The following GNAI3 variants were observed in gnomAD, a reference collection of about 807,000 sequenced individuals.
The protein encoded by GNAI3 is G protein subunit alpha i3.
In GNAI3, 12 loss-of-function variants were observed where a neutral mutation model predicts 41.8. The ratio of observed to expected loss-of-function variants is 0.29; its 90% CI spans 0.18 to 0.47. The LOEUF is 0.47. Ranked by LOEUF, GNAI3 falls within the 20% of genes least tolerant of loss-of-function variation. GNAI3 has a pLI of 1.00. For synonymous variants in GNAI3, 132 were observed against 146.5 expected, an observed-to-expected ratio of 0.90 and a Z score of 0.71; for missense variants, 360 against 429.6, an observed-to-expected ratio of 0.84 and a Z score of 1.43.
chr1:109,576,962 T>A (rs1011596023), intron 3 of GNAI3, among the ~76,000 whole-genome samples: 10 of 151,808 alleles, frequency 6.6e-5, no homozygotes, highest in African/African-American at 2.4e-4. Flanking sequence ...AAAAAAGTAG[T>A]AATAATTCCC....
chr1:109,592,199 T>C lies in GNAI3; in HGVS notation c.1031T>C (p.Ile344Thr). The C allele has an allele frequency of 1.2e-6, 2 of 1,613,164 alleles. No individual in the cohort carries two copies. Among genetic ancestry groups the C allele is most frequent in the Non-Finnish European group, 8.5e-7 (1 of 1,179,152 alleles). Residue 344 changes from isoleucine to threonine, a missense_variant, in exon 8 of 9, where the codon ATT (isoleucine) becomes ACT (threonine). By Grantham distance (89) the Ile-to-Thr change is moderately conservative. Transcript: ENST00000369851. ...TTTGATGCTGTTACAGATGTCATCATTAAAAACAACTTAAAGGAATGTGGA... is the reference window on the plus strand; with the variant it reads ...TTTGATGCTGTTACAGATGTCATCACTAAAAACAACTTAAAGGAATGTGGA... Reference protein sequence around the residue: ...FVFDAVTDVIIKNNLKECGLY With the variant: ...FVFDAVTDVITKNNLKECGLY
In GNAI3 at chr1:109,597,197, C is replaced by T. The variant is rs1183222499; in HGVS notation, c.*4875C>T. 6.6e-6 allele frequency: 1 copy of T among 152,148 alleles called. No individual in the cohort carries two copies. The highest frequency in any genetic ancestry group is 2.4e-5 in the African/African-American group (1 of 41,404). 9.4% of individuals were successfully genotyped at this position (152,148 alleles called of 1,614,324 possible). On this transcript the variant is annotated 3_prime_UTR_variant, in exon 9 of 9. Coordinates refer to ENST00000369851, the MANE Select transcript of GNAI3 (RefSeq NM_006496.4). Reference sequence around the variant, plus strand: ...TCAACACAGGCTGAGCACAGTGGCTCATGTCTGTAATCCCAGCACTTTGGG... The same window carrying T: ...TCAACACAGGCTGAGCACAGTGGCTTATGTCTGTAATCCCAGCACTTTGGG...
At chr1:109,561,837 A>G (rs1223345250) in intron 1 of GNAI3, among the ~76,000 whole-genome samples, 1 of 152,192 alleles carries the variant, frequency 6.6e-6, no homozygotes, top group African/African-American at 2.4e-5. Flanking sequence ...TCCTTTTAGA[A>G]TATTTTACTA....
In GNAI3 at chr1:109,573,744, A is replaced by G; in HGVS notation, c.126A>G (p.Gly42=). The change falls in exon 2 of 9, where the codon GGA becomes GGG. Residue 42 remains glycine, a synonymous_variant. Transcript: ENST00000369851. ...KEVKLLLLGA[G]ESGKSTIVKQ... is the part of the protein sequence containing the mutation. ...GGTTTTCTTTTCTTACAGGTGCTGG[A>G]GAATCTGGTAAAAGCACCATTGTGA... 1 of 1,610,340 alleles carries G rather than the reference A, an allele frequency of 6.2e-7. No homozygotes were observed. The highest frequency in any genetic ancestry group is 1.1e-5 in the South Asian group (1 of 90,980).
chr1:109,582,539 T>C lies in GNAI3; in HGVS notation c.564T>C (p.His188=). The C allele has an allele frequency of 1.9e-6, 3 of 1,608,280 alleles. No homozygotes were observed. The highest frequency in any genetic ancestry group is 2.6e-6 in the Non-Finnish European group (3 of 1,174,704). The change falls in exon 5 of 9, where the codon CAT becomes CAC. Residue 188 remains histidine (H), a synonymous_variant. Coordinates refer to ENST00000369851, the MANE Select transcript of GNAI3 (RefSeq NM_006496.4). ...AGACCACAGGCATTGTAGAAACACATTTCACCTTCAAAGACCTATACTTCA... is the reference window on the plus strand; with the variant it reads ...AGACCACAGGCATTGTAGAAACACACTTCACCTTCAAAGACCTATACTTCA... ...RVKTTGIVET[H]FTFKDLYFKM... is the part of the protein sequence containing the mutation.
chr1:109,591,589 A>G, intron 7 of GNAI3: 2 of 371,510 alleles, frequency 5.4e-6, no homozygotes, highest in Non-Finnish European at 9.4e-6. Flanking sequence ...GGACTGTGCT[A>G]ATCTTCTCTG....
In GNAI3 at chr1:109,585,622, G is replaced by A. The variant is rs540978344; in HGVS notation, c.591-594G>A. Among the ~76,000 whole-genome samples the A allele has an allele frequency of 3.0e-4, 45 of 152,188 alleles. No individual in the cohort carries two copies. In the South Asian group the frequency reaches 8.7e-3, roughly 30 times the overall value. ...GGCATTTAGAGGCAAACCATTTTGA[G>A]AGTCAGAACATGGGTGCTGGAGTTA... On this transcript the variant is annotated intron_variant, in intron 5 of 8. Transcript: ENST00000369851.
At chr1:109,563,472 C>CAAAG (rs887241295) in intron 1 of GNAI3, among the ~76,000 whole-genome samples, 1 of 152,148 alleles carries the variant, frequency 6.6e-6, no homozygotes, top group African/African-American at 2.4e-5. Context: ...CTTAAGCAAT[C>CAAAG]AAAGGCAAGG....
intron 1 of GNAI3, among the ~76,000 whole-genome samples, chr1:109,551,165 C>T (rs1474696000): frequency 6.6e-6 from 1 of 152,116 alleles, no homozygotes; most frequent in African/African-American, 2.4e-5. Flanking sequence ...TAATTTTTAC[C>T]AACTTCATTC....
At chr1:109,551,931 G>A (rs563368341) in intron 1 of GNAI3, among the ~76,000 whole-genome samples, 1 of 152,274 alleles carries the variant, frequency 6.6e-6, no homozygotes, top group South Asian at 2.1e-4. Context: ...GGAGGCCGAG[G>A]CTGGTGGATC....
chr1:109,564,041 G>GTTT (rs5776986), intron 1 of GNAI3, among the ~76,000 whole-genome samples: 1 of 134,760 alleles, frequency 7.4e-6, no homozygotes, highest in Non-Finnish European at 1.6e-5. Flanking sequence ...GTTTTTGTGT[G>GTTT]TTTTTTTTTT....
chr1:109,559,190 A>G (rs1259033862), intron 1 of GNAI3, among the ~76,000 whole-genome samples: 1 of 152,134 alleles, frequency 6.6e-6, no homozygotes, highest in African/African-American at 2.4e-5. Context: ...TCAAAAGAAA[A>G]AAAAAAGAAA....
chr1:109,586,370 G>A, intron 6 of GNAI3, 25 bp downstream of exon 6: 1 of 1,602,012 alleles, frequency 6.2e-7, no homozygotes, highest in Non-Finnish European at 8.5e-7. Context: ...CTGGTAAAAA[G>A]CCTGTCTAAT....
At chr1:109,577,241 G>A (rs1318627262) in intron 3 of GNAI3, among the ~76,000 whole-genome samples, 2 of 151,060 alleles carry the variant, frequency 1.3e-5, no homozygotes, top group African/African-American at 4.9e-5. Flanking sequence ...GAAAAGAAAG[G>A]GAGGGGCATA....
intron 4 of GNAI3, 98 bp downstream of exon 4, chr1:109,579,459 C>A: frequency 1.4e-6 from 1 of 701,582 alleles, no homozygotes; most frequent in Non-Finnish European, 2.3e-6. Flanking sequence ...GTAATAGACA[C>A]TCTTAGACGT....
At chr1:109,582,042 T>A (rs1648901945) in intron 4 of GNAI3, among the ~76,000 whole-genome samples, 1 of 152,202 alleles carries the variant, frequency 6.6e-6, no homozygotes, top group Admixed American at 6.5e-5. Flanking sequence ...TCACTCAGGC[T>A]GGTGTACAGT....
intron 5 of GNAI3, among the ~76,000 whole-genome samples, chr1:109,584,948 T>C (rs895029231): frequency 6.6e-6 from 1 of 152,248 alleles, no homozygotes; most frequent in African/African-American, 2.4e-5. Context: ...GATTACATCA[T>C]TTCAGGTGTC....
intron 1 of GNAI3, among the ~76,000 whole-genome samples, chr1:109,560,386 A>G (rs1036580083): frequency 9.9e-5 from 15 of 152,214 alleles, no homozygotes; most frequent in African/African-American, 3.4e-4. Context: ...TTTGCTGCTC[A>G]GTATAATAAT....
chr1:109,565,268 A>G (rs945832735), intron 1 of GNAI3, among the ~76,000 whole-genome samples: 4 of 151,262 alleles, frequency 2.6e-5, no homozygotes, highest in Non-Finnish European at 5.9e-5. Context: ...AAAAAAAAAG[A>G]TAATTCATTC....
Sources: allele counts gnomAD v4.1 joint callset (sites outside exome capture counted in the v4.1 genomes callset), GRCh38; gene constraint gnomAD v4.1.1; transcripts MANE v1.5; gene names NCBI Gene and HGNC (gene_info 2026-07-23, HGNC 2026-07-21).